Variants in SYMPK observed in about 807,000 individuals in gnomAD.
SYMPK encodes symplekin scaffold protein.
Under a neutral mutation model 136.4 loss-of-function variants are expected in SYMPK, and 49 were observed. The ratio of observed to expected loss-of-function variants is 0.36; its 90% CI spans 0.29 to 0.46. The LOEUF (loss-of-function observed/expected upper bound fraction) is 0.46, where lower values mean the gene tolerates loss of function less well. Among genes scored for constraint, SYMPK ranks in the 20% least tolerant of loss-of-function variants. The probability of loss-of-function intolerance (pLI) is 1.00; values close to 1 mark genes in which losing one functional copy is unlikely to be tolerated. For missense variants in SYMPK, 1,365 were observed against 1,690.0 expected, an observed-to-expected ratio of 0.81 and a Z score of 3.37; for synonymous variants, 766 against 713.0, an observed-to-expected ratio of 1.07 and a Z score of -1.19.
At chr19:45,826,468 C>T (rs1334938770) in intron 16 of SYMPK, 95 bp from the exon 17 acceptor site, 10 of 1,388,974 alleles carry the variant, frequency 7.2e-6, no homozygotes, top group East Asian at 2.3e-5. Flanking sequence ...TGAAAACAAG[C>T]CCGAGGCTGA....
rs61108453 is a variant in SYMPK, at chr19:45,831,300, C to CACAT, written c.1598+83_1598+84insATGT. On this transcript the variant is annotated intron_variant, in intron 12 of 26. Transcript: ENST00000245934. ...TCTCAGTTACACACACACACGCACACGCACACGCACACGCACACGAGCTGA... is the reference window on the plus strand; with the variant it reads ...TCTCAGTTACACACACACACGCACACACATGCACACGCACACGCACACGAGCTGA... The CACAT allele has an allele frequency of 7.8e-6, 9 of 1,149,826 alleles. No individual in the cohort carries two copies. In the South Asian group the frequency reaches 1.0e-4, roughly 13 times the overall value. 71.2% of individuals were successfully genotyped at this position (1,149,826 alleles called of 1,614,324 possible).
chr19:45,822,703 CCA>C, intron 21 of SYMPK, 51 bp downstream of exon 21: 1 of 1,543,004 alleles, frequency 6.5e-7, no homozygotes, highest in Non-Finnish European at 8.9e-7. Context: ...GCCTTCTGCC[CCA>C]GCACCTGGGG....
intron 1 of SYMPK, chr19:45,855,761 T>A (rs995242958): frequency 2.0e-5 from 3 of 151,106 alleles, no homozygotes; most frequent in African/African-American, 7.3e-5. Flanking sequence ...TTTGGGAGGC[T>A]GAGGCAGGCA....
At chr19:45,826,828 T>C (rs768197132) in intron 16 of SYMPK, among the ~76,000 whole-genome samples, 4 of 152,208 alleles carry the variant, frequency 2.6e-5, no homozygotes, top group Non-Finnish European at 5.9e-5. Flanking sequence ...GGGTGTGAGA[T>C]GAAGGTCTGC....
chr19:45,820,972 G>A, intron 22 of SYMPK: 1 of 587,262 alleles, frequency 1.7e-6, no homozygotes, highest in South Asian at 2.1e-5. Context: ...AAGCTCTCCT[G>A]CCTCACCTAC....
At chr19:45,833,821 T>C (rs1482127541) in intron 11 of SYMPK, among the ~76,000 whole-genome samples, 1 of 152,188 alleles carries the variant, frequency 6.6e-6, no homozygotes, top group Admixed American at 6.5e-5. Context: ...TGTGGATAGA[T>C]GGCAGTCAAA....
At chr19:45,832,736 G>T (rs1265084666) in intron 11 of SYMPK, among the ~76,000 whole-genome samples, 1 of 151,804 alleles carries the variant, frequency 6.6e-6, no homozygotes, top group Admixed American at 6.6e-5. Context: ...CAGGCTGGGC[G>T]TGGTGGCTCA....
rs762360297 is a variant in SYMPK at position 45,835,223 on chromosome 19, G to A, written c.1248C>T (p.Leu416=). 1.9e-6 allele frequency: 3 copies of A among 1,592,454 alleles called. No homozygotes were observed. Among genetic ancestry groups the A allele is most frequent in the South Asian group, 1.1e-5 (1 of 88,982 alleles). Residue 416 remains leucine, a synonymous_variant, in exon 11 of 27, where the codon CTC becomes CTT. Transcript: ENST00000245934. ...CCTCGGGTAGGTACACCATGCTGAT[G>A]AGGACCTGTGGGATGCCCAGGAAGA... ...LTPDNVANLV[L]ISMVYLPEAM...
At chr19:45,859,159 C>G (rs894551674) in intron 1 of SYMPK, among the ~76,000 whole-genome samples, 8 of 152,160 alleles carry the variant, frequency 5.3e-5, no homozygotes, top group African/African-American at 1.9e-4. Context: ...TAAACATCTG[C>G]TGAATGAGTG....
chr19:45,830,316 C>A (rs990190337), intron 12 of SYMPK, 112 bp from the exon 13 acceptor site: 15 of 1,210,778 alleles, frequency 1.2e-5, no homozygotes, highest in South Asian at 1.2e-4. Context: ...GCCCCCATCC[C>A]CCTGCTGCCT....
rs914784498 is a variant in SYMPK at position 45,836,589 on chromosome 19, C to T, written c.1243-1361G>A. Among the ~76,000 whole-genome samples the T allele has an allele frequency of 2.0e-5, 3 of 151,570 alleles. No homozygotes were observed. In the East Asian group the frequency reaches 6.0e-4, roughly 30 times the overall value. On this transcript the variant is annotated intron_variant, in intron 10 of 26. Transcript: ENST00000245934. ...GAGCTTACAGTGAGCTGAGACTGCG[C>T]CACTACACTCCAGCCTGGGCAACAG...
At chr19:45,850,805 G>A (rs1002370881) in intron 5 of SYMPK, among the ~76,000 whole-genome samples, 2 of 152,044 alleles carry the variant, frequency 1.3e-5, no homozygotes, top group Admixed American at 6.6e-5. Flanking sequence ...GATATTTTGC[G>A]GGAAGAATCA....
chr19:45,841,297 CT>C (rs1038779942), intron 9 of SYMPK, among the ~76,000 whole-genome samples: 138 of 141,276 alleles, frequency 9.8e-4, no homozygotes, highest in Admixed American at 1.9e-3. Context: ...CCCCCCCCAC[CT>C]TTTTTTTTTT....
At chr19:45,847,607 G>C (rs753775400) in intron 7 of SYMPK, 145 bp downstream of exon 7, 2 of 979,128 alleles carry the variant, frequency 2.0e-6, no homozygotes, top group Non-Finnish European at 2.9e-6. Flanking sequence ...GCTGGGATCT[G>C]AACCTAGCAC....
chr19:45,852,218 G>C, intron 5 of SYMPK, 94 bp downstream of exon 5: 2 of 1,258,866 alleles, frequency 1.6e-6, no homozygotes, highest in Non-Finnish European at 2.3e-6. Flanking sequence ...GGAAGCAGAG[G>C]GCAGGCCTCT....
At chr19:45,828,833 G>T in intron 14 of SYMPK, 137 bp downstream of exon 14, 1 of 797,682 alleles carries the variant, frequency 1.3e-6, no homozygotes, top group Non-Finnish European at 2.0e-6. Flanking sequence ...GGGAGGAGGA[G>T]AGGAGACTTG....
At chr19:45,846,187 G>A (rs1971555877) in intron 7 of SYMPK, among the ~76,000 whole-genome samples, 1 of 152,204 alleles carries the variant, frequency 6.6e-6, no homozygotes, top group Non-Finnish European at 1.5e-5. Flanking sequence ...AGTGAGCCGA[G>A]ATAGCGCTAC....
chr19:45,817,829 G>T, intron 23 of SYMPK, 130 bp downstream of exon 23: 4 of 957,656 alleles, frequency 4.2e-6, no homozygotes, highest in South Asian at 3.5e-5. Flanking sequence ...CTATTTTCTT[G>T]GCAGGAGGCA....
chr19:45,834,407 C>A (rs546070602), intron 11 of SYMPK, among the ~76,000 whole-genome samples: 1 of 150,588 alleles, frequency 6.6e-6, no homozygotes, highest in Non-Finnish European at 1.5e-5. Flanking sequence ...TGCAGTAAGC[C>A]GAGATTGCAC....
Sources: allele counts gnomAD v4.1 joint callset (sites outside exome capture counted in the v4.1 genomes callset), GRCh38; gene constraint gnomAD v4.1.1; transcripts MANE v1.5; gene names NCBI Gene and HGNC (gene_info 2026-07-23, HGNC 2026-07-21).